Variants in MAGEE1 observed in about 807,000 individuals in gnomAD.
MAGEE1 encodes melanoma-associated antigen E1.
Under a neutral mutation model 12.0 loss-of-function variants are expected in MAGEE1, and 3 were observed. The ratio of observed to expected loss-of-function variants is 0.25; its 90% CI spans 0.11 to 0.65. MAGEE1 has a LOEUF of 0.65. Ranked by LOEUF, MAGEE1 falls within the 30% of genes least tolerant of loss-of-function variation. The pLI, the probability that MAGEE1 is intolerant of heterozygous loss-of-function variation, is 0.84. For missense variants in MAGEE1, 729 were observed against 772.2 expected (o/e 0.94, Z 0.66); for synonymous variants, 414 against 326.1 (o/e 1.27, Z -2.91).
At position 76,429,458 on chromosome X, in the gene MAGEE1, T is replaced by C; in HGVS notation, c.1528T>C (p.Tyr510His). 2.5e-6 allele frequency: 3 copies of C among 1,211,644 alleles called. No individual in the cohort carries two copies. Among genetic ancestry groups the C allele is most frequent in the Non-Finnish European group, 3.3e-6 (3 of 895,527 alleles). The change falls in exon 1 of 1, where the codon TAC becomes CAC. Residue 510 changes from tyrosine to histidine, a missense_variant. Around this residue, in one of 4 missense-constraint regions of MAGEE1, gnomAD observed 91 missense variants for 133.8 expected, o/e 0.68. Coordinates refer to ENST00000361470, the MANE Select transcript of MAGEE1 (RefSeq NM_020932.3). Reference sequence around the variant, plus strand: ...CCTGCTGGTGAAGGATCAGAGCAAGTACCCTATCCGGGAGTCTGAAATGCG... The same window carrying C: ...CCTGCTGGTGAAGGATCAGAGCAAGCACCCTATCCGGGAGTCTGAAATGCG... Reference protein sequence around the residue: ...QFLLVKDQSKYPIRESEMREY... With the variant: ...QFLLVKDQSKHPIRESEMREY...
In MAGEE1 at chrX:76,430,034, G is replaced by T; in HGVS notation, c.2104G>T (p.Gly702Cys). 1 of 1,208,999 alleles carries T rather than the reference G, an allele frequency of 8.3e-7. No individual in the cohort carries two copies. Among genetic ancestry groups the T allele is most frequent in the Non-Finnish European group, 1.1e-6 (1 of 893,917 alleles). The change falls in exon 1 of 1, where the codon GGT becomes TGT. Residue 702 changes from glycine to cysteine, a missense_variant. This residue lies in a region of MAGEE1 where 64 missense variants were observed against 53.4 expected (regional missense o/e 1.20). Transcript: ENST00000361470. Reference protein sequence around the residue: ...EEDAARAFAEGWQALPHFRRP... With the variant: ...EEDAARAFAECWQALPHFRRP... ...AGATGCTGCCAGAGCCTTTGCTGAG[G>T]GTTGGCAGGCTCTCCCTCACTTTAG...
In MAGEE1 at chrX:76,427,854, C is replaced by A; in HGVS notation, c.-77C>A. 9.2e-7 allele frequency: 1 copy of A among 1,086,733 alleles called. No homozygotes were observed. The highest frequency in any genetic ancestry group is 1.2e-6 in the Non-Finnish European group (1 of 812,114). 89.6% of individuals were successfully genotyped at this position (1,086,733 alleles called of 1,213,427 possible). Reference sequence around the variant, plus strand: ...CGGCAGTTTTGTGCCGAGGCACCTACACACCTCCCGTCCTCTCTGCCAGAT... The same window carrying A: ...CGGCAGTTTTGTGCCGAGGCACCTAAACACCTCCCGTCCTCTCTGCCAGAT... On this transcript the variant is annotated 5_prime_UTR_variant, in exon 1 of 1. Coordinates refer to ENST00000361470, the MANE Select transcript of MAGEE1 (RefSeq NM_020932.3).
Position 76,428,236 on chromosome X carries a change from C to G in MAGEE1, c.306C>G (p.Thr102=). Residue 102 remains threonine (T), a synonymous_variant, in exon 1 of 1, where the codon ACC becomes ACG. Coordinates refer to ENST00000361470, the MANE Select transcript of MAGEE1 (RefSeq NM_020932.3). ...GQPTISEGPG[T]SVLPTPSEGL... ...CCACCATCTCTGAGGGACCTGGCAC[C>G]TCCGTGCTGCCCACCCCCAGTGAGG... The G allele has an allele frequency of 8.2e-7, 1 of 1,212,288 alleles. No homozygotes were observed. Among genetic ancestry groups the G allele is most frequent in the Non-Finnish European group, 1.1e-6 (1 of 895,567 alleles).
chrX:76,429,048 C>T lies in MAGEE1; in HGVS notation c.1118C>T (p.Ser373Phe), dbSNP rs201667279. The change falls in exon 1 of 1, where the codon TCT becomes TTT. Residue 373 changes from serine (S) to phenylalanine (F), a missense_variant. Coordinates refer to ENST00000361470, the MANE Select transcript of MAGEE1 (RefSeq NM_020932.3). Reference sequence around the variant, plus strand: ...AGCACCTCTGTGCCGCCCACCGCCTCTGATGGATCGGACACCTCCGTGCCG... The same window carrying T: ...AGCACCTCTGTGCCGCCCACCGCCTTTGATGGATCGGACACCTCCGTGCCG... Reference protein sequence around the residue: ...GLSTSVPPTASDGSDTSVPPT... With the variant: ...GLSTSVPPTAFDGSDTSVPPT... 2.5e-6 allele frequency: 3 copies of T among 1,209,941 alleles called. No homozygotes were observed. In the African/African-American group the frequency reaches 5.2e-5, roughly 21 times the overall value.
Position 76,428,033 on chromosome X carries a change from G to A in MAGEE1, c.103G>A (p.Gly35Ser), listed in dbSNP as rs781847360. The A allele has an allele frequency of 1.7e-6, 2 of 1,188,065 alleles. No homozygotes were observed. The highest frequency in any genetic ancestry group is 1.8e-5 in the South Asian group (1 of 54,470). ...CGAAATGCAGGCCCCTAATGCCCCCGGTCTCCCCGCTGATGTGCCAGGCTC... is the reference window on the plus strand; with the variant it reads ...CGAAATGCAGGCCCCTAATGCCCCCAGTCTCCCCGCTGATGTGCCAGGCTC... ...WGEMQAPNAP[G>S]LPADVPGSDV... The change falls in exon 1 of 1, where the codon GGT (glycine) becomes AGT (serine). Residue 35 changes from glycine (G) to serine (S), a missense_variant. Gly to Ser is a moderately conservative substitution (Grantham distance 56, BLOSUM62 0). This residue lies in a region of MAGEE1 where 473 missense variants were observed against 423.7 expected (regional missense o/e 1.12). Transcript: ENST00000361470.
At position 76,429,271 on chromosome X, in the gene MAGEE1, T is replaced by C; in HGVS notation, c.1341T>C (p.Ser447=). 8.3e-7 allele frequency: 1 copy of C among 1,211,695 alleles called. No individual in the cohort carries two copies. ...CCAAGGCCTCCGTGGACTCAGATTC[T>C]GAGGGTCCTAAGGGTGCAGAAGGCC... ...RVTKASVDSD[S]EGPKGAEGPI... The change falls in exon 1 of 1, where the codon TCT becomes TCC. Residue 447 remains serine, a synonymous_variant. Coordinates refer to ENST00000361470, the MANE Select transcript of MAGEE1 (RefSeq NM_020932.3).
rs782115566 is a variant in MAGEE1, at chrX:76,428,310, C to G, written c.380C>G (p.Ser127Cys). 1.7e-6 allele frequency: 2 copies of G among 1,211,328 alleles called. No individual in the cohort carries two copies. Among genetic ancestry groups the G allele is most frequent in the South Asian group, 3.5e-5 (2 of 56,976 alleles). The change falls in exon 1 of 1, where the codon TCT becomes TGT. Residue 127 changes from serine (S) to cysteine (C), a missense_variant. Ser to Cys is a moderately radical substitution (Grantham distance 112). Transcript: ENST00000361470. ...ACCATCTCTAAGGGGCTGTGCACCT[C>G]TGTGACGCTTGCCGCCTCTGAGGGC... ...PPTISKGLCT[S>C]VTLAASEGRN... is the part of the protein sequence containing the mutation.
In MAGEE1 at chrX:76,429,261, A is replaced by T. The variant is rs1556839635; in HGVS notation, c.1331A>T (p.Asp444Val). The T allele has an allele frequency of 1.7e-6, 2 of 1,211,437 alleles. No individual in the cohort carries two copies. The highest frequency in any genetic ancestry group is 4.3e-5 in the Admixed American group (2 of 46,041). Reference sequence around the variant, plus strand: ...CCTAGGGTAACCAAGGCCTCCGTGGACTCAGATTCTGAGGGTCCTAAGGGT... The same window carrying T: ...CCTAGGGTAACCAAGGCCTCCGTGGTCTCAGATTCTGAGGGTCCTAAGGGT... ...PSPRVTKASV[D>V]SDSEGPKGAE... Residue 444 changes from aspartate to valine, a missense_variant, in exon 1 of 1, where the codon GAC becomes GTC. Asp to Val is a radical substitution (Grantham distance 152). Transcript: ENST00000361470.
Position 76,427,727 on chromosome X carries a change from C to A in MAGEE1, c.-204C>A, listed in dbSNP as rs902084252. On this transcript the variant is annotated 5_prime_UTR_variant, in exon 1 of 1. Transcript: ENST00000361470. Reference sequence around the variant, plus strand: ...AGCAGAGTACAGTGAGACTAGCATTCACTGCTGGCCAGTGCCTGCCTTTTT... The same window carrying A: ...AGCAGAGTACAGTGAGACTAGCATTAACTGCTGGCCAGTGCCTGCCTTTTT... 5 of 443,732 alleles carry A rather than the reference C, an allele frequency of 1.1e-5. No individual in the cohort carries two copies. Among genetic ancestry groups the A allele is most frequent in the African/African-American group, 9.7e-5 (4 of 41,153 alleles). The allele number at this position is 443,732 out of a possible 1,213,427, so 36.6% of individuals were successfully genotyped here. A position where few individuals can be genotyped will look rare whatever the true frequency, so the allele number is the denominator to read the frequency against.
In MAGEE1 at chrX:76,428,613, C is replaced by T. The variant is rs1300910346; in HGVS notation, c.683C>T (p.Pro228Leu). The stretch of plus-strand genomic sequence containing the variant: ...CTGAGCACCTCCGTGCAGGCCACTC[C>T]TGATGAGGGACCGAGCACCTCCGTG... Reference protein sequence around the residue: ...EGLSTSVQATPDEGPSTSVPP... With the variant: ...EGLSTSVQATLDEGPSTSVPP... The change falls in exon 1 of 1, where the codon CCT (proline) becomes CTT (leucine). Residue 228 changes from proline to leucine, a missense_variant. Physicochemically the swap from Pro to Leu is moderately conservative, Grantham distance 98 (BLOSUM62 -3). Transcript: ENST00000361470. 3 of 1,208,638 alleles carry T rather than the reference C, an allele frequency of 2.5e-6. No homozygotes were observed. Among genetic ancestry groups the T allele is most frequent in the Non-Finnish European group, 3.4e-6 (3 of 894,519 alleles).
In MAGEE1 at chrX:76,428,691, A is replaced by T; in HGVS notation, c.761A>T (p.Glu254Val). Reference protein sequence around the residue: ...LSTPVPPTRDEGPSTSVPATP... With the variant: ...LSTPVPPTRDVGPSTSVPATP... Reference sequence around the variant, plus strand: ...ACCCCCGTGCCACCCACCCGTGATGAGGGACCGAGCACCTCCGTGCCGGCC... The same window carrying T: ...ACCCCCGTGCCACCCACCCGTGATGTGGGACCGAGCACCTCCGTGCCGGCC... Residue 254 changes from glutamate (E) to valine (V), a missense_variant, in exon 1 of 1, where the codon GAG (glutamate) becomes GTG (valine). Around this residue, in one of 4 missense-constraint regions of MAGEE1, gnomAD observed 473 missense variants for 423.7 expected, o/e 1.12. Coordinates refer to ENST00000361470, the MANE Select transcript of MAGEE1 (RefSeq NM_020932.3). The T allele has an allele frequency of 8.3e-7, 1 of 1,208,934 alleles. No homozygotes were observed. The highest frequency in any genetic ancestry group is 1.1e-6 in the Non-Finnish European group (1 of 894,236).
Position 76,430,204 on chromosome X carries a change from T to A in MAGEE1, c.2274T>A (p.Leu758=), listed in dbSNP as rs376154773. 41 of 1,210,120 alleles carry A rather than the reference T, an allele frequency of 3.4e-5. No homozygotes were observed. The East Asian group carries it at 1.1e-3, about 31-fold the overall frequency. ...KARKLVQLFL[L]MDSTKLPIPK... ...GGAAGCTGGTGCAGTTATTTCTGCT[T>A]ATGGATTCAACTAAGCTGCCTATAC... Residue 758 remains leucine, a synonymous_variant, in exon 1 of 1, where the codon CTT becomes CTA. Coordinates refer to ENST00000361470, the MANE Select transcript of MAGEE1 (RefSeq NM_020932.3).
At position 76,429,488 on chromosome X, in the gene MAGEE1, T is replaced by C. The variant is rs1489986335; in HGVS notation, c.1558T>C (p.Tyr520His). 1 of 1,209,814 alleles carries C rather than the reference T, an allele frequency of 8.3e-7. No individual in the cohort carries two copies. Among genetic ancestry groups the C allele is most frequent in the Non-Finnish European group, 1.1e-6 (1 of 895,266 alleles). Residue 520 changes from tyrosine (Y) to histidine (H), a missense_variant, in exon 1 of 1, where the codon TAT (tyrosine) becomes CAT (histidine). Physicochemically the swap from Tyr to His is moderately conservative, Grantham distance 83. Transcript: ENST00000361470. ...YPIRESEMRE[Y>H]IVKEYRNQFP... ...TATCCGGGAGTCTGAAATGCGGGAATATATTGTTAAAGAATATCGCAACCA... is the reference window on the plus strand; with the variant it reads ...TATCCGGGAGTCTGAAATGCGGGAACATATTGTTAAAGAATATCGCAACCA...
chrX:76,428,469 C>T lies in MAGEE1; in HGVS notation c.539C>T (p.Ala180Val), dbSNP rs1377547421. ...EGTSTSVPPT[A>V]YEGPSTSVVP... Reference sequence around the variant, plus strand: ...ACGAGCACCTCCGTGCCGCCCACAGCCTATGAGGGACCAAGCACCTCCGTG... The same window carrying T: ...ACGAGCACCTCCGTGCCGCCCACAGTCTATGAGGGACCAAGCACCTCCGTG... The change falls in exon 1 of 1, where the codon GCC becomes GTC. Residue 180 changes from alanine (A) to valine (V), a missense_variant. By Grantham distance (64) the Ala-to-Val change is moderately conservative (BLOSUM62 0). Transcript: ENST00000361470. 8.3e-7 allele frequency: 1 copy of T among 1,207,526 alleles called. No homozygotes were observed. The highest frequency in any genetic ancestry group is 1.1e-6 in the Non-Finnish European group (1 of 894,216).
At position 76,429,514 on chromosome X, in the gene MAGEE1, G is replaced by C; in HGVS notation, c.1584G>C (p.Gln528His). The change falls in exon 1 of 1, where the codon CAG (glutamine) becomes CAC (histidine). Residue 528 changes from glutamine to histidine, a missense_variant. Coordinates refer to ENST00000361470, the MANE Select transcript of MAGEE1 (RefSeq NM_020932.3). ...ATATTGTTAAAGAATATCGCAACCA[G>C]TTTCCTGAGATACTCAGGCGAGCAG... Reference protein sequence around the residue: ...REYIVKEYRNQFPEILRRAAA... With the variant: ...REYIVKEYRNHFPEILRRAAA... 1 of 1,211,576 alleles carries C rather than the reference G, an allele frequency of 8.3e-7. No individual in the cohort carries two copies. The highest frequency in any genetic ancestry group is 1.1e-6 in the Non-Finnish European group (1 of 895,530).
chrX:76,429,758 A>G lies in MAGEE1; in HGVS notation c.1828A>G (p.Met610Val), dbSNP rs1418922057. Residue 610 changes from methionine to valine, a missense_variant, in exon 1 of 1, where the codon ATG (methionine) becomes GTG (valine). Around this residue, in one of 4 missense-constraint regions of MAGEE1, gnomAD observed 91 missense variants for 133.8 expected, o/e 0.68. Transcript: ENST00000361470. ...TGAGATTTGGGAAATGCTCTGGAGG[A>G]TGGGGGTGCAGCGGGAAAGGAGGCT... is the stretch of plus-strand genomic sequence containing the variant. ...EAEIWEMLWR[M>V]GVQRERRLSI... 1 of 1,209,291 alleles carries G rather than the reference A, an allele frequency of 8.3e-7. No individual in the cohort carries two copies. Among genetic ancestry groups the G allele is most frequent in the African/African-American group, 1.8e-5 (1 of 56,908 alleles).
rs782215109 is a variant in MAGEE1 at position 76,428,964 on chromosome X, C to T, written c.1034C>T (p.Pro345Leu). The change falls in exon 1 of 1, where the codon CCG (proline) becomes CTG (leucine). Residue 345 changes from proline to leucine, a missense_variant. This residue lies in a region of MAGEE1 where 473 missense variants were observed against 423.7 expected (regional missense o/e 1.12). Transcript: ENST00000361470. Reference sequence around the variant, plus strand: ...ACTGAGGAGTTGAGCACCTCCGTGCCGCCCACTCCCGGTGAGGGACCAAGC... The same window carrying T: ...ACTGAGGAGTTGAGCACCTCCGTGCTGCCCACTCCCGGTGAGGGACCAAGC... The part of the protein sequence containing the change: ...TATEELSTSV[P>L]PTPGEGPSTS... 6 of 1,209,556 alleles carry T rather than the reference C, an allele frequency of 5.0e-6. No individual in the cohort carries two copies. The highest frequency in any genetic ancestry group is 5.6e-6 in the Non-Finnish European group (5 of 895,030).
Position 76,430,253 on chromosome X carries a change from A to G in MAGEE1, c.2323A>G (p.Ile775Val), listed in dbSNP as rs782503839. The change falls in exon 1 of 1, where the codon ATT (isoleucine) becomes GTT (valine). Residue 775 changes from isoleucine (I) to valine (V), a missense_variant. Physicochemically the swap from Ile to Val is conservative, Grantham distance 29 (BLOSUM62 3). This residue lies in a region of MAGEE1 where 101 missense variants were observed against 161.3 expected (regional missense o/e 0.63). Transcript: ENST00000361470. ...ACCAAAGAAAGGAATTCTGTACTAC[A>G]TTGGCCGAGAGTGCAGCAAAGTGTT... is the stretch of plus-strand genomic sequence containing the variant. ...PIPKKGILYY[I>V]GRECSKVFPD... is the part of the protein sequence containing the mutation. 6 of 1,211,894 alleles carry G rather than the reference A, an allele frequency of 5.0e-6. No homozygotes were observed. In the South Asian group the frequency reaches 8.8e-5, roughly 18 times the overall value.
chrX:76,428,334 G>A lies in MAGEE1; in HGVS notation c.404G>A (p.Gly135Asp), dbSNP rs1262572407. The part of the protein sequence containing the change: ...CTSVTLAASE[G>D]RNTSRPPTSS... Reference sequence around the variant, plus strand: ...TCTGTGACGCTTGCCGCCTCTGAGGGCCGGAACACCTCCAGGCCGCCCACT... The same window carrying A: ...TCTGTGACGCTTGCCGCCTCTGAGGACCGGAACACCTCCAGGCCGCCCACT... The change falls in exon 1 of 1, where the codon GGC (glycine) becomes GAC (aspartate). Residue 135 changes from glycine to aspartate, a missense_variant. Coordinates refer to ENST00000361470, the MANE Select transcript of MAGEE1 (RefSeq NM_020932.3). The A allele has an allele frequency of 8.3e-6, 10 of 1,210,164 alleles. No individual in the cohort carries two copies. The highest frequency in any genetic ancestry group is 1.1e-5 in the Non-Finnish European group (10 of 895,132).
Sources: gnomAD v4.1 joint callset for allele counts on GRCh38, gnomAD v4.1.1 for gene constraint, gnomAD v4.1.1 regional missense constraint, MANE v1.5 for transcripts, NCBI Gene and HGNC (gene_info 2026-07-23, HGNC 2026-07-21) for gene names.